Variants in DLX3 observed in about 807,000 individuals in gnomAD.
The protein encoded by DLX3 is homeobox protein DLX-3.
In DLX3, 9 loss-of-function variants were observed where a neutral mutation model predicts 28.0. The observed-to-expected ratio is 0.32, with a 90% CI of 0.19 to 0.56. The LOEUF (loss-of-function observed/expected upper bound fraction) is 0.56. Ranked by LOEUF, DLX3 falls within the 20% of genes least tolerant of loss-of-function variation. The pLI is 0.91. For synonymous variants in DLX3, 154 were observed against 167.9 expected (o/e 0.92, Z 0.64); for missense variants, 313 against 378.2 (o/e 0.83, Z 1.43).
chr17:49,994,554 TA>T, intron 1 of DLX3, 119 bp downstream of exon 1: 1 of 1,229,376 alleles, frequency 8.1e-7, no homozygotes, highest in Non-Finnish European at 1.1e-6. Context: ...CCAACTTCTC[TA>T]ACTCCAGACA....
chr17:49,994,676 G>T lies in DLX3; in HGVS notation c.323C>A (p.Pro108Gln), dbSNP rs751496563. The change falls in exon 1 of 3, where the codon CCA (proline) becomes CAA (glutamine). Residue 108 changes from proline to glutamine, a missense_variant and splice_region_variant. Pro to Gln is a moderately conservative substitution (Grantham distance 76). Coordinates refer to ENST00000434704, the MANE Select transcript of DLX3 (RefSeq NM_005220.3). ...YREQPLPAQD[P>Q]VSVKEEPEAE... is the part of the protein sequence containing the mutation. Reference sequence around the variant, plus strand: ...CCTCGCGACCCCGTGGCCCTCACCTGGGTCCTGGGCTGGCAGCGGCTGCTC... The same window carrying T: ...CCTCGCGACCCCGTGGCCCTCACCTTGGTCCTGGGCTGGCAGCGGCTGCTC... The T allele has an allele frequency of 9.3e-6, 15 of 1,613,996 alleles. No homozygotes were observed. Among genetic ancestry groups the T allele is most frequent in the Non-Finnish European group, 1.2e-5 (14 of 1,180,040 alleles).
chr17:49,993,512 A>T lies in DLX3; in HGVS notation c.404T>A (p.Ile135Asn). The change falls in exon 2 of 3, where the codon ATC becomes AAC. Residue 135 changes from isoleucine (I) to asparagine (N), a missense_variant. This residue lies in a region of DLX3 where 183 missense variants were observed against 197.7 expected (regional missense o/e 0.93). Coordinates refer to ENST00000434704, the MANE Select transcript of DLX3 (RefSeq NM_005220.3). ...KPKKVRKPRT[I>N]YSSYQLAALQ... Reference sequence around the variant, plus strand: ...GGCGGCCAGCTGGTAGCTGGAGTAGATCGTACGCGGCTTTCGGACCTTCTT... The same window carrying T: ...GGCGGCCAGCTGGTAGCTGGAGTAGTTCGTACGCGGCTTTCGGACCTTCTT... 6.2e-7 allele frequency: 1 copy of T among 1,613,590 alleles called. No homozygotes were observed. Among genetic ancestry groups the T allele is most frequent in the Non-Finnish European group, 8.5e-7 (1 of 1,179,712 alleles).
Position 49,991,680 on chromosome 17 carries a change from G to T in DLX3, c.701C>A (p.Pro234Gln). The T allele has an allele frequency of 6.2e-7, 1 of 1,613,228 alleles. No individual in the cohort carries two copies. The part of the protein sequence containing the change: ...PAPARSQLPP[P>Q]LPYSASPSYL... ...GCTGGGGGAGGCACTGTATGGGAGC[G>T]GCGGGGGCAGCTGACTGCGGGCAGG... is the stretch of plus-strand genomic sequence containing the variant. The change falls in exon 3 of 3, where the codon CCG (proline) becomes CAG (glutamine). Residue 234 changes from proline (P) to glutamine (Q), a missense_variant. By Grantham distance (76) the Pro-to-Gln change is moderately conservative. Transcript: ENST00000434704.
chr17:49,993,670 G>A (rs561334170), intron 1 of DLX3, 80 bp from the exon 2 acceptor site: 1 of 1,502,592 alleles, frequency 6.7e-7, no homozygotes, highest in East Asian at 2.4e-5. Flanking sequence ...GGCCCCGCCG[G>A]ACGCCCCTCG....
At position 49,991,471 on chromosome 17, in the gene DLX3, G is replaced by C; in HGVS notation, c.*46C>G. The stretch of plus-strand genomic sequence containing the variant: ...AGTGGCTAGGACGGAGGCGCCTTCT[G>C]CCTGGTCCTGGGGTCCTTTGTCAAG... On this transcript the variant is annotated 3_prime_UTR_variant, in exon 3 of 3. Coordinates refer to ENST00000434704, the MANE Select transcript of DLX3 (RefSeq NM_005220.3). The C allele has an allele frequency of 6.6e-7, 1 of 1,515,164 alleles. No homozygotes were observed. The highest frequency in any genetic ancestry group is 1.4e-5 in the African/African-American group (1 of 73,358). The allele number at this position is 1,515,164 out of a possible 1,614,324, so 93.9% of individuals were successfully genotyped here.
chr17:49,993,514 C>T lies in DLX3; in HGVS notation c.402G>A (p.Thr134=), dbSNP rs2303466. ...CGGCCAGCTGGTAGCTGGAGTAGAT[C>T]GTACGCGGCTTTCGGACCTTCTTGG... The part of the protein sequence containing the change: ...GKPKKVRKPR[T]IYSSYQLAAL... The change falls in exon 2 of 3, where the codon ACG becomes ACA. Residue 134 remains threonine, a synonymous_variant. Coordinates refer to ENST00000434704, the MANE Select transcript of DLX3 (RefSeq NM_005220.3). 303,408 of 1,613,220 alleles carry T rather than the reference C, an allele frequency of 0.19. 31,782 individuals carry two copies. The highest frequency in any genetic ancestry group is 0.5 in the East Asian group (22,260 of 44,782).
chr17:49,990,821 AC>A lies in DLX3; in HGVS notation c.*695del, dbSNP rs1422472571. 2 of 152,390 alleles carry A rather than the reference AC, an allele frequency of 1.3e-5. No individual in the cohort carries two copies. The highest frequency in any genetic ancestry group is 2.9e-5 in the Non-Finnish European group (2 of 67,980). The allele number at this position is 152,390 out of a possible 1,614,324, so 9.4% of individuals were successfully genotyped here. A position where few individuals can be genotyped will look rare whatever the true frequency, so the allele number is the denominator to read the frequency against. On this transcript the variant is annotated 3_prime_UTR_variant, in exon 3 of 3. Coordinates refer to ENST00000434704, the MANE Select transcript of DLX3 (RefSeq NM_005220.3). ...TCCATAGGAAAAACGTCTGAGACCC[AC>A]CCCTCCTCTCGGAACGGAGGAGAGG...
Position 49,994,825 on chromosome 17 carries a change from C to T in DLX3, c.174G>A (p.Gln58=). The change falls in exon 1 of 3, where the codon CAG becomes CAA. Residue 58 remains glutamine, a synonymous_variant. Transcript: ENST00000434704. ...GGTGGTAGGTGTAGGGGTTCACCGT[C>T]TGGCCATAGGGCTGGCCCGAGTAGT... ...HDYYSGQPYG[Q]TVNPYTYHHQ... 6.2e-7 allele frequency: 1 copy of T among 1,614,242 alleles called. No individual in the cohort carries two copies. The highest frequency in any genetic ancestry group is 8.5e-7 in the Non-Finnish European group (1 of 1,180,034).
rs756092425 is a variant in DLX3, at chr17:49,994,899, C to T, written c.100G>A (p.Glu34Lys). The change falls in exon 1 of 3, where the codon GAG becomes AAG. Residue 34 changes from glutamate to lysine, a missense_variant. Physicochemically the swap from Glu to Lys is moderately conservative, Grantham distance 56. This residue lies in a region of DLX3 where 183 missense variants were observed against 197.7 expected (regional missense o/e 0.93). Coordinates refer to ENST00000434704, the MANE Select transcript of DLX3 (RefSeq NM_005220.3). ...TAGCCCAGGTCAGTGACAGAAGACT[C>T]GGGCAGGGTAGGCGAGTCCTTGGAG... Reference protein sequence around the residue: ...AGSKDSPTLPESSVTDLGYYS... With the variant: ...AGSKDSPTLPKSSVTDLGYYS... 1.9e-6 allele frequency: 3 copies of T among 1,614,042 alleles called. No homozygotes were observed. Among genetic ancestry groups the T allele is most frequent in the East Asian group, 2.2e-5 (1 of 44,890 alleles).
Position 49,991,626 on chromosome 17 carries a change from T to C in DLX3, c.755A>G (p.Tyr252Cys). Residue 252 changes from tyrosine to cysteine, a missense_variant, in exon 3 of 3, where the codon TAT (tyrosine) becomes TGT (cysteine). By Grantham distance (194) the Tyr-to-Cys change is radical. Around this residue, in one of 3 missense-constraint regions of DLX3, gnomAD observed 120 missense variants for 145.4 expected, o/e 0.83. Coordinates refer to ENST00000434704, the MANE Select transcript of DLX3 (RefSeq NM_005220.3). ...GGGTCCACTCAGGTTCTGTGCGTGA[T>C]ACCAGGAGTTGGTGGGGTCGTCCAG... is the stretch of plus-strand genomic sequence containing the variant. Reference protein sequence around the residue: ...SYLDDPTNSWYHAQNLSGPHL... With the variant: ...SYLDDPTNSWCHAQNLSGPHL... The C allele has an allele frequency of 1.2e-6, 2 of 1,613,712 alleles. No homozygotes were observed. The highest frequency in any genetic ancestry group is 2.7e-5 in the African/African-American group (2 of 75,018).
Position 49,991,681 on chromosome 17 carries a change from G to A in DLX3, c.700C>T (p.Pro234Ser). Reference sequence around the variant, plus strand: ...CTGGGGGAGGCACTGTATGGGAGCGGCGGGGGCAGCTGACTGCGGGCAGGG... The same window carrying A: ...CTGGGGGAGGCACTGTATGGGAGCGACGGGGGCAGCTGACTGCGGGCAGGG... ...PAPARSQLPPPLPYSASPSYL... is the reference protein window; with the variant it reads ...PAPARSQLPPSLPYSASPSYL... Residue 234 changes from proline (P) to serine (S), a missense_variant, in exon 3 of 3, where the codon CCG becomes TCG. Physicochemically the swap from Pro to Ser is moderately conservative, Grantham distance 74 (BLOSUM62 -1). Transcript: ENST00000434704. 6.2e-7 allele frequency: 1 copy of A among 1,613,324 alleles called. No individual in the cohort carries two copies. The highest frequency in any genetic ancestry group is 8.5e-7 in the Non-Finnish European group (1 of 1,179,758).
chr17:49,993,904 G>C (rs1490844142), intron 1 of DLX3, among the ~76,000 whole-genome samples: 1 of 152,000 alleles, frequency 6.6e-6, no homozygotes, highest in Non-Finnish European at 1.5e-5. Flanking sequence ...TCCCAGCCTC[G>C]GGGCTCCTCG....
chr17:49,993,266 C>T, intron 2 of DLX3, 134 bp downstream of exon 2: 1 of 919,164 alleles, frequency 1.1e-6, no homozygotes, highest in Non-Finnish European at 1.6e-6. Flanking sequence ...GAAGTTGAAC[C>T]TCGCAGGCCC....
chr17:49,991,498 G>C lies in DLX3; in HGVS notation c.*19C>G. On this transcript the variant is annotated 3_prime_UTR_variant, in exon 3 of 3. Coordinates refer to ENST00000434704, the MANE Select transcript of DLX3 (RefSeq NM_005220.3). ...CTGGTCCTGGGGTCCTTTGTCAAGGGTGCAGGCCAGATGGGTGCTCAGTAC... is the reference window on the plus strand; with the variant it reads ...CTGGTCCTGGGGTCCTTTGTCAAGGCTGCAGGCCAGATGGGTGCTCAGTAC... 1 of 1,584,374 alleles carries C rather than the reference G, an allele frequency of 6.3e-7. No homozygotes were observed. Among genetic ancestry groups the C allele is most frequent in the South Asian group, 1.1e-5 (1 of 88,366 alleles).
At chr17:49,993,316 T>G in intron 2 of DLX3, 84 bp downstream of exon 2, 1 of 1,438,716 alleles carries the variant, frequency 7.0e-7, no homozygotes, top group Non-Finnish European at 9.4e-7. Context: ...CGCAGGGCCC[T>G]TCAGTGGCCA....
intron 1 of DLX3, 73 bp downstream of exon 1, chr17:49,994,601 C>T: frequency 6.4e-7 from 1 of 1,564,018 alleles, no homozygotes; most frequent in Non-Finnish European, 8.8e-7. Flanking sequence ...ATTTTGGCTT[C>T]CAGTCCATGC....
Position 49,991,473 on chromosome 17 carries a change from C to T in DLX3, c.*44G>A. On this transcript the variant is annotated 3_prime_UTR_variant, in exon 3 of 3. Coordinates refer to ENST00000434704, the MANE Select transcript of DLX3 (RefSeq NM_005220.3). ...TGGCTAGGACGGAGGCGCCTTCTGC[C>T]TGGTCCTGGGGTCCTTTGTCAAGGG... The T allele has an allele frequency of 2.0e-6, 3 of 1,524,286 alleles. No individual in the cohort carries two copies. The highest frequency in any genetic ancestry group is 2.0e-5 in the Admixed American group (1 of 49,214). The allele number at this position is 1,524,286 out of a possible 1,614,324, so 94.4% of individuals were successfully genotyped here. A position where few individuals can be genotyped will look rare whatever the true frequency, so the allele number is the denominator to read the frequency against.
Position 49,991,662 on chromosome 17 carries a change from G to T in DLX3, c.719C>A (p.Ser240Tyr), listed in dbSNP as rs765093320. Reference protein sequence around the residue: ...QLPPPLPYSASPSYLDDPTNS... With the variant: ...QLPPPLPYSAYPSYLDDPTNS... ...GGTGGGGTCGTCCAGGTAGCTGGGG[G>T]AGGCACTGTATGGGAGCGGCGGGGG... The change falls in exon 3 of 3, where the codon TCC becomes TAC. Residue 240 changes from serine (S) to tyrosine (Y), a missense_variant. This residue lies in a region of DLX3 where 120 missense variants were observed against 145.4 expected (regional missense o/e 0.83). Transcript: ENST00000434704. 5 of 1,613,962 alleles carry T rather than the reference G, an allele frequency of 3.1e-6. No individual in the cohort carries two copies. The Admixed American group carries it at 5.0e-5, about 16-fold the overall frequency.
chr17:49,994,284 T>C (rs1906203743), intron 1 of DLX3, among the ~76,000 whole-genome samples: 1 of 151,624 alleles, frequency 6.6e-6, no homozygotes, highest in Non-Finnish European at 1.5e-5. Flanking sequence ...CCCCATCCCT[T>C]ATCCAAAGGA....
Sources: allele counts gnomAD v4.1 joint callset (sites outside exome capture counted in the v4.1 genomes callset), GRCh38; gene constraint gnomAD v4.1.1; regional missense constraint gnomAD v4.1.1; transcripts MANE v1.5; gene names NCBI Gene and HGNC (gene_info 2026-07-23, HGNC 2026-07-21).